The following ROBO2 variants were observed in gnomAD, a reference collection of about 807,000 sequenced individuals.
ROBO2 encodes the protein roundabout guidance receptor 2, also known as roundabout homolog 2.
Under a neutral mutation model 160.8 loss-of-function variants are expected in ROBO2, and 53 were observed. The ratio of observed to expected loss-of-function variants is 0.33; its 90% confidence interval spans 0.26 to 0.41. The LOEUF is 0.41. ROBO2 is among the 10% of genes least tolerant of loss of function. ROBO2 has a pLI of 1.00. For missense variants in ROBO2, 1,577 were observed against 1,722.4 expected (o/e 0.92, Z 1.49); for synonymous variants, 664 against 611.7 (o/e 1.09, Z -1.26).
intron 2 of ROBO2, among the ~76,000 whole-genome samples, chr3:76,074,198 C>T (rs1236036073): frequency 6.6e-6 from 1 of 151,180 alleles, no homozygotes; most frequent in South Asian, 2.1e-4. Context: ...ATCTCTGTGG[C>T]GCCTGTGTGG....
intron 1 of ROBO2, among the ~76,000 whole-genome samples, chr3:77,049,257 G>A (rs1001245589): frequency 2.0e-5 from 3 of 152,138 alleles, no homozygotes; most frequent in African/African-American, 7.2e-5. Context: ...TTGAGCCCAG[G>A]AGGTTGAGGC....
At chr3:76,155,276 C>T (rs1027177792) in intron 2 of ROBO2, among the ~76,000 whole-genome samples, 3 of 152,050 alleles carry the variant, frequency 2.0e-5, no homozygotes, top group Non-Finnish European at 4.4e-5. Flanking sequence ...AAGAACACAA[C>T]GCCAACTATA....
At chr3:76,227,758 C>T (rs1272002173) in intron 2 of ROBO2, among the ~76,000 whole-genome samples, 1 of 152,138 alleles carries the variant, frequency 6.6e-6, no homozygotes, top group Non-Finnish European at 1.5e-5. Context: ...TTTGAAATCA[C>T]CTACCCCACC....
chr3:76,594,819 T>C (rs2086639004), intron 2 of ROBO2, among the ~76,000 whole-genome samples: 1 of 152,094 alleles, frequency 6.6e-6, no homozygotes, highest in African/African-American at 2.4e-5. Context: ...AGAACTGAGT[T>C]ACTTGTGTAG....
At chr3:76,871,703 CAT>C (rs952427041) in intron 2 of ROBO2, among the ~76,000 whole-genome samples, 10 of 152,170 alleles carry the variant, frequency 6.6e-5, no homozygotes, top group Admixed American at 5.9e-4. Context: ...AGCCGTGACA[CAT>C]GTCATGATTG....
At chr3:77,600,589 A>AATGTGAATTT (rs2094411125) in intron 19 of ROBO2, among the ~76,000 whole-genome samples, 1 of 152,180 alleles carries the variant, frequency 6.6e-6, no homozygotes, top group South Asian at 2.1e-4. Flanking sequence ...TTTAAATTCA[A>AATGTGAATTT]GGTGTGTGAA....
chr3:76,018,257 AT>A (rs1040164443), intron 2 of ROBO2, among the ~76,000 whole-genome samples: 12 of 152,030 alleles, frequency 7.9e-5, no homozygotes, highest in Non-Finnish European at 1.8e-4. Flanking sequence ...TGAATGTCAC[AT>A]TTCTCTGTGT....
chr3:77,561,155 G>A (rs1460518357), intron 9 of ROBO2, among the ~76,000 whole-genome samples: 2 of 152,156 alleles, frequency 1.3e-5, no homozygotes, highest in Non-Finnish European at 1.5e-5. Flanking sequence ...TTAAGATAGT[G>A]AAATGGCAGT....
intron 2 of ROBO2, among the ~76,000 whole-genome samples, chr3:77,337,864 T>G (rs1161822490): frequency 7.2e-5 from 11 of 152,260 alleles, no homozygotes; most frequent in Admixed American, 4.6e-4. Flanking sequence ...TAAAATCATT[T>G]TATTAGTCAT....
chr3:77,140,397 C>G (rs536805752), intron 2 of ROBO2, among the ~76,000 whole-genome samples: 1 of 152,230 alleles, frequency 6.6e-6, no homozygotes, highest in South Asian at 2.1e-4. Flanking sequence ...GATAAGGAGA[C>G]AGACATTTTA....
intron 2 of ROBO2, among the ~76,000 whole-genome samples, chr3:76,374,020 G>C (rs1411338297): frequency 1.3e-5 from 2 of 151,914 alleles, no homozygotes; most frequent in Non-Finnish European, 1.5e-5. Flanking sequence ...GCAGATGGTA[G>C]GAGTTCCAAG....
chr3:77,077,893 G>A (rs2068179241), intron 1 of ROBO2, among the ~76,000 whole-genome samples: 1 of 152,116 alleles, frequency 6.6e-6, no homozygotes, highest in South Asian at 2.1e-4. Context: ...GGCCAGGATT[G>A]TGAAAGTGGG....
chr3:77,409,548 G>A (rs1260812329), intron 2 of ROBO2, among the ~76,000 whole-genome samples: 1 of 152,118 alleles, frequency 6.6e-6, no homozygotes, highest in Non-Finnish European at 1.5e-5. Context: ...CAGCTGGGGG[G>A]ATGAGTGCCC....
chr3:77,354,473 T>C (rs1390300744), intron 2 of ROBO2, among the ~76,000 whole-genome samples: 1 of 152,004 alleles, frequency 6.6e-6, no homozygotes, highest in Non-Finnish European at 1.5e-5. Context: ...GGAAAAAGAG[T>C]GTAAACAACC....
chr3:77,229,893 G>A (rs1423774080), intron 2 of ROBO2, among the ~76,000 whole-genome samples: 1 of 152,122 alleles, frequency 6.6e-6, no homozygotes, highest in Non-Finnish European at 1.5e-5. Flanking sequence ...GAAAGATCAA[G>A]TTTTTACTTC....
intron 2 of ROBO2, among the ~76,000 whole-genome samples, chr3:76,199,193 C>T (rs908569185): frequency 6.6e-6 from 1 of 152,114 alleles, no homozygotes; most frequent in African/African-American, 2.4e-5. Flanking sequence ...GATCATTCCT[C>T]AAATGTGTAT....
At chr3:77,202,985 A>G (rs1159927700) in intron 2 of ROBO2, among the ~76,000 whole-genome samples, 1 of 152,192 alleles carries the variant, frequency 6.6e-6, no homozygotes, top group Non-Finnish European at 1.5e-5. Flanking sequence ...GGAAAACATA[A>G]TCTCAGCCAC....
intron 19 of ROBO2, among the ~76,000 whole-genome samples, chr3:77,600,446 A>T (rs759325689): frequency 2.0e-5 from 3 of 152,192 alleles, no homozygotes; most frequent in African/African-American, 4.8e-5. Context: ...CCATAGCATT[A>T]GTTGTATAGC....
intron 2 of ROBO2, among the ~76,000 whole-genome samples, chr3:77,108,830 A>C (rs1322485044): frequency 6.6e-6 from 1 of 152,176 alleles, no homozygotes; most frequent in East Asian, 1.9e-4. Flanking sequence ...TAGTAGAGGG[A>C]GATAATTTAA....
Sources: allele counts gnomAD v4.1 joint callset (sites outside exome capture counted in the v4.1 genomes callset), GRCh38; gene constraint gnomAD v4.1.1; transcripts MANE v1.5; gene names NCBI Gene and HGNC (gene_info 2026-07-23, HGNC 2026-07-21).